The following BLK variants were observed in gnomAD, a reference collection of about 807,000 sequenced individuals.
BLK encodes tyrosine-protein kinase Blk.
In BLK, 64 loss-of-function variants were observed where a neutral mutation model predicts 61.8. The ratio of observed to expected loss-of-function variants is 1.03; its 90% CI spans 0.85 to 1.27. BLK has a LOEUF of 1.27. Among genes scored for constraint, BLK ranks in the 50% most tolerant of loss-of-function variants. BLK has a pLI of 0.00. For synonymous variants in BLK, 351 were observed against 272.0 expected, an observed-to-expected ratio of 1.29 and a Z score of -2.86; for missense variants, 853 against 660.5, an observed-to-expected ratio of 1.29 and a Z score of -3.19.
chr8:11,549,570 C>G (rs757318925), intron 5 of BLK, among the ~76,000 whole-genome samples: 1 of 152,228 alleles, frequency 6.6e-6, no homozygotes, highest in Non-Finnish European at 1.5e-5. Flanking sequence ...CCCATGTCCC[C>G]ATGGCACTGG....
chr8:11,514,720 G>T (rs1311620498), intron 1 of BLK, among the ~76,000 whole-genome samples: 1 of 152,210 alleles, frequency 6.6e-6, no homozygotes, highest in Non-Finnish European at 1.5e-5. Flanking sequence ...ATATACCTAT[G>T]CAGCAGGGCA....
At chr8:11,527,498 G>C (rs73209290) in intron 1 of BLK, among the ~76,000 whole-genome samples, 1 of 150,866 alleles carries the variant, frequency 6.6e-6, no homozygotes, top group South Asian at 2.1e-4. Flanking sequence ...AGTGGGGAAG[G>C]AGTTTAATTG....
intron 1 of BLK, among the ~76,000 whole-genome samples, chr8:11,517,838 G>A (rs896970268): frequency 2.6e-5 from 4 of 152,210 alleles, no homozygotes; most frequent in Non-Finnish European, 5.9e-5. Flanking sequence ...TGCCCCGACA[G>A]CTTGAACCTG....
chr8:11,562,907 G>C (rs1000664512), intron 11 of BLK, 72 bp from the exon 12 acceptor site: 4 of 1,603,718 alleles, frequency 2.5e-6, no homozygotes, highest in Non-Finnish European at 2.6e-6. Flanking sequence ...GCAGGAGCAG[G>C]GGTAGGGGTG....
chr8:11,498,613 G>A (rs552878515), intron 1 of BLK, among the ~76,000 whole-genome samples: 3 of 152,152 alleles, frequency 2.0e-5, no homozygotes, highest in Non-Finnish European at 2.9e-5. Flanking sequence ...GTGGTTAGAC[G>A]GCTGGCCTTG....
chr8:11,560,458 AAGG>A (rs1801458507), intron 10 of BLK: 1 of 238,662 alleles, frequency 4.2e-6, no homozygotes, highest in African/African-American at 2.3e-5. Context: ...ATGCAAGCAT[AAGG>A]AGAAGTGGAA....
intron 1 of BLK, among the ~76,000 whole-genome samples, chr8:11,515,582 C>G (rs1799191474): frequency 6.6e-6 from 1 of 152,210 alleles, no homozygotes; most frequent in Non-Finnish European, 1.5e-5. Flanking sequence ...ATGCCTGCCT[C>G]TATTTCCCCC....
At chr8:11,562,654 G>C (rs533357019) in intron 11 of BLK, among the ~76,000 whole-genome samples, 1 of 152,382 alleles carries the variant, frequency 6.6e-6, no homozygotes, top group South Asian at 2.1e-4. Flanking sequence ...CCCCTGTAAG[G>C]TGAAACAGGC....
chr8:11,506,191 C>T (rs1416718892), intron 1 of BLK, among the ~76,000 whole-genome samples: 3 of 152,220 alleles, frequency 2.0e-5, no homozygotes, highest in East Asian at 1.9e-4. Context: ...CTCTTTGCCA[C>T]ATCGTGGGGT....
At chr8:11,512,633 G>A (rs945235189) in intron 1 of BLK, among the ~76,000 whole-genome samples, 5 of 151,036 alleles carry the variant, frequency 3.3e-5, no homozygotes, top group South Asian at 2.1e-4. Context: ...AAATTTTACT[G>A]CAAATTACAC....
Position 11,564,578 on chromosome 8 carries a change from C to T in BLK, c.*470C>T, listed in dbSNP as rs553865167. The T allele has an allele frequency of 4.7e-5, 20 of 427,218 alleles. No individual in the cohort carries two copies. Among genetic ancestry groups the T allele is most frequent in the Non-Finnish European group, 8.5e-5 (18 of 211,602 alleles). The allele number at this position is 427,218 out of a possible 1,614,324, so 26.5% of individuals were successfully genotyped here. ...GCTCCAGCACTGCGGGGCTTTTCTG[C>T]AATAAAGTCACGAGCGTTCGAGCTG... On this transcript the variant is annotated 3_prime_UTR_variant, in exon 13 of 13. Coordinates refer to ENST00000259089, the MANE Select transcript of BLK (RefSeq NM_001715.3).
intron 1 of BLK, among the ~76,000 whole-genome samples, chr8:11,515,958 G>A (rs2736360): frequency 0.15 from 22,833 of 152,220 alleles, 1,907 homozygotes; most frequent in East Asian, 0.26. Context: ...GTATCCTGGT[G>A]TGGGGATGGG....
At chr8:11,560,322 G>T (rs1011727092) in intron 10 of BLK, 1 of 213,828 alleles carries the variant, frequency 4.7e-6, no homozygotes, top group Non-Finnish European at 9.3e-6. Context: ...TGCATAGATG[G>T]ATGGATGGAT....
At chr8:11,537,184 C>A (rs1346024203) in intron 1 of BLK, among the ~76,000 whole-genome samples, 1 of 152,156 alleles carries the variant, frequency 6.6e-6, no homozygotes, top group African/African-American at 2.4e-5. Flanking sequence ...AATTCTTTGG[C>A]CCCTTCTTTA....
At position 11,549,234 on chromosome 8, in the gene BLK, C is replaced by T. The variant is rs1585398634; in HGVS notation, c.368+112C>T. On this transcript the variant is annotated intron_variant, in intron 5 of 12. Coordinates refer to ENST00000259089, the MANE Select transcript of BLK (RefSeq NM_001715.3). Reference sequence around the variant, plus strand: ...GGACTGACCAGGGAGCCTGCAGGCACTAGCAAAGAGGGGACAGGAAATGAG... The same window carrying T: ...GGACTGACCAGGGAGCCTGCAGGCATTAGCAAAGAGGGGACAGGAAATGAG... 4.2e-6 allele frequency: 4 copies of T among 956,432 alleles called. No individual in the cohort carries two copies. The East Asian group carries it at 1.0e-4, about 25-fold the overall frequency. The allele number at this position is 956,432 out of a possible 1,614,324, so 59.2% of individuals were successfully genotyped here. A position where few individuals can be genotyped will look rare whatever the true frequency, so the allele number is the denominator to read the frequency against.
intron 1 of BLK, among the ~76,000 whole-genome samples, chr8:11,538,330 G>A (rs570054419): frequency 6.6e-6 from 1 of 152,210 alleles, no homozygotes; most frequent in East Asian, 1.9e-4. Context: ...GAAACTGCTG[G>A]GTGCAGCCCG....
chr8:11,549,488 C>T (rs1800806647), intron 5 of BLK, among the ~76,000 whole-genome samples: 1 of 152,220 alleles, frequency 6.6e-6, no homozygotes, highest in Non-Finnish European at 1.5e-5. Context: ...CCCTCGGGGG[C>T]TCCCAGGAGG....
At chr8:11,542,274 A>G (rs1800413008) in intron 1 of BLK, among the ~76,000 whole-genome samples, 1 of 152,232 alleles carries the variant, frequency 6.6e-6, no homozygotes, top group African/African-American at 2.4e-5. Flanking sequence ...AGAGATATTG[A>G]AAAGTGAAAA....
At chr8:11,548,391 C>T (rs775294247) in intron 4 of BLK, among the ~76,000 whole-genome samples, 2 of 152,244 alleles carry the variant, frequency 1.3e-5, no homozygotes, top group African/African-American at 2.4e-5. Flanking sequence ...GCCCTCCTGA[C>T]TCTTTTGGGC....
Sources: allele counts gnomAD v4.1 joint callset (sites outside exome capture counted in the v4.1 genomes callset), GRCh38; gene constraint gnomAD v4.1.1; transcripts MANE v1.5; gene names NCBI Gene and HGNC (gene_info 2026-07-23, HGNC 2026-07-21).